Variants in ATP8A2 observed in about 807,000 individuals in gnomAD.
The protein encoded by ATP8A2 is phospholipid-transporting ATPase IB.
In ATP8A2, 100 loss-of-function variants were observed where a neutral mutation model predicts 165.6. That is an observed-to-expected ratio of 0.60 (90% CI 0.51 to 0.71). ATP8A2 has a LOEUF of 0.71. ATP8A2 is among the 30% of genes least tolerant of loss of function. The pLI is 0.00. For missense variants in ATP8A2, 1,227 were observed against 1,479.5 expected, an observed-to-expected ratio of 0.83 and a Z score of 2.80; for synonymous variants, 543 against 548.8, an observed-to-expected ratio of 0.99 and a Z score of 0.15.
At chr13:25,909,462 AG>A (rs1437672705) in intron 33 of ATP8A2, among the ~76,000 whole-genome samples, 6 of 152,210 alleles carry the variant, frequency 3.9e-5, no homozygotes, top group African/African-American at 1.4e-4. Context: ...TGAGTGTGAA[AG>A]CTCTGCAAAT....
intron 24 of ATP8A2, among the ~76,000 whole-genome samples, chr13:25,593,586 G>A (rs1325905616): frequency 6.6e-6 from 1 of 152,118 alleles, no homozygotes; most frequent in Non-Finnish European, 1.5e-5. Flanking sequence ...GAAAAGTACT[G>A]AGAGATTAGC....
chr13:25,425,819 G>C (rs1003703876), intron 1 of ATP8A2, among the ~76,000 whole-genome samples: 1 of 152,026 alleles, frequency 6.6e-6, no homozygotes, highest in African/African-American at 2.4e-5. Context: ...CTTGTGATCC[G>C]CCCGCCTCCG....
chr13:25,558,206 G>GT (rs1337018539), intron 13 of ATP8A2, among the ~76,000 whole-genome samples: 1 of 152,014 alleles, frequency 6.6e-6, no homozygotes, highest in Admixed American at 6.6e-5. Flanking sequence ...CTGGCCTTTA[G>GT]TTTTTTTATA....
At chr13:25,913,602 A>T (rs939366276) in intron 33 of ATP8A2, among the ~76,000 whole-genome samples, 1 of 151,988 alleles carries the variant, frequency 6.6e-6, no homozygotes, top group African/African-American at 2.4e-5. Context: ...GGTGTAGAGC[A>T]TCCTTTAGGC....
intron 2 of ATP8A2, 104 bp downstream of exon 2, chr13:25,469,225 C>G (rs2137522318): frequency 7.1e-7 from 1 of 1,401,478 alleles, no homozygotes; most frequent in South Asian, 1.3e-5. Context: ...CGGCCCCCGT[C>G]CATCTCCCCC....
intron 1 of ATP8A2, among the ~76,000 whole-genome samples, chr13:25,401,862 C>T (rs1566106641): frequency 6.6e-6 from 1 of 151,952 alleles, no homozygotes; most frequent in East Asian, 1.9e-4. Flanking sequence ...TGCTTTGGGG[C>T]TATTATTATT....
intron 35 of ATP8A2, among the ~76,000 whole-genome samples, chr13:25,989,034 G>A (rs1956329259): frequency 6.6e-6 from 1 of 152,234 alleles, no homozygotes; most frequent in Admixed American, 6.5e-5. Flanking sequence ...ATGGAGGTCA[G>A]CCTGTGCCAA....
intron 25 of ATP8A2, among the ~76,000 whole-genome samples, chr13:25,741,472 C>G (rs2043909785): frequency 6.6e-6 from 1 of 152,154 alleles, no homozygotes; most frequent in African/African-American, 2.4e-5. Context: ...CCGCAAGCTC[C>G]CTGGACTCAA....
At chr13:25,734,626 A>G (rs1257075494) in intron 25 of ATP8A2, among the ~76,000 whole-genome samples, 2 of 152,060 alleles carry the variant, frequency 1.3e-5, no homozygotes, top group African/African-American at 4.8e-5. Context: ...AAAAATCATG[A>G]CACATTGTGA....
At chr13:25,522,958 T>C (rs1179474222) in intron 2 of ATP8A2, among the ~76,000 whole-genome samples, 1 of 151,994 alleles carries the variant, frequency 6.6e-6, no homozygotes, top group Non-Finnish European at 1.5e-5. Context: ...ACCCCATCTC[T>C]ACTAAAAATA....
At chr13:25,987,140 G>A (rs1378070517) in intron 35 of ATP8A2, among the ~76,000 whole-genome samples, 1 of 152,212 alleles carries the variant, frequency 6.6e-6, no homozygotes, top group East Asian at 1.9e-4. Context: ...ACGGGGAAAT[G>A]TAGTTTCCCA....
intron 2 of ATP8A2, among the ~76,000 whole-genome samples, chr13:25,491,350 C>A (rs1252485672): frequency 6.6e-6 from 1 of 151,994 alleles, no homozygotes. Flanking sequence ...TCTCCAGGAG[C>A]CCCATGGTGC....
At chr13:25,400,990 T>A (rs2033618468) in intron 1 of ATP8A2, among the ~76,000 whole-genome samples, 2 of 152,232 alleles carry the variant, frequency 1.3e-5, no homozygotes, top group African/African-American at 4.8e-5. Context: ...AGGAAGTTTT[T>A]GTCTAGTGTT....
chr13:25,747,596 A>G (rs2044062183), intron 25 of ATP8A2, among the ~76,000 whole-genome samples: 1 of 152,104 alleles, frequency 6.6e-6, no homozygotes, highest in African/African-American at 2.4e-5. Context: ...GTGCTTAAGT[A>G]GACCAAAAGC....
intron 24 of ATP8A2, among the ~76,000 whole-genome samples, chr13:25,673,397 C>T (rs1162355460): frequency 6.6e-6 from 1 of 152,210 alleles, no homozygotes; most frequent in African/African-American, 2.4e-5. Context: ...AGCTACAAAG[C>T]AGAGACTCTG....
At chr13:25,568,548 A>G (rs2039381470) in intron 16 of ATP8A2, among the ~76,000 whole-genome samples, 1 of 152,220 alleles carries the variant, frequency 6.6e-6, no homozygotes, top group African/African-American at 2.4e-5. Context: ...TATGAGGTAC[A>G]TACAATAGGC....
chr13:25,512,964 C>T (rs1291764510), intron 2 of ATP8A2, among the ~76,000 whole-genome samples: 9 of 132,098 alleles, frequency 6.8e-5, no homozygotes, highest in African/African-American at 2.4e-4. Context: ...GGGGGGCTGA[C>T]CCCCCCACCT....
chr13:25,399,150 T>C (rs1196076901), intron 1 of ATP8A2, among the ~76,000 whole-genome samples: 1 of 152,050 alleles, frequency 6.6e-6, no homozygotes, highest in Non-Finnish European at 1.5e-5. Context: ...TACCACCCAG[T>C]GTGGGGACTG....
intron 24 of ATP8A2, among the ~76,000 whole-genome samples, chr13:25,629,455 T>A (rs1217167241): frequency 3.3e-5 from 5 of 152,200 alleles, no homozygotes; most frequent in Non-Finnish European, 7.4e-5. Flanking sequence ...ATCTTGTAGA[T>A]AGTCTTCATA....
Sources: allele counts gnomAD v4.1 joint callset (sites outside exome capture counted in the v4.1 genomes callset), GRCh38; gene constraint gnomAD v4.1.1; transcripts MANE v1.5; gene names NCBI Gene and HGNC (gene_info 2026-07-23, HGNC 2026-07-21).